The following EXOC4 variants were observed in gnomAD, a reference collection of about 807,000 sequenced individuals.
EXOC4 encodes the protein exocyst complex component 4.
EXOC4 carries 71 observed loss-of-function variants against 107.2 expected under a neutral mutation model. That is an observed-to-expected ratio of 0.66 (90% CI 0.55 to 0.81). EXOC4 has a LOEUF of 0.81. EXOC4 is among the 30% of genes least tolerant of loss of function. The pLI is 0.00. For synonymous variants in EXOC4, 456 were observed against 441.2 expected, an observed-to-expected ratio of 1.03 and a Z score of -0.42; for missense variants, 1,108 against 1,189.6, an observed-to-expected ratio of 0.93 and a Z score of 1.01.
intron 10 of EXOC4, among the ~76,000 whole-genome samples, chr7:133,686,508 ATGGACTTTC>A (rs1794301232): frequency 6.6e-6 from 1 of 152,162 alleles, no homozygotes; most frequent in Non-Finnish European, 1.5e-5. Context: ...TTCCTCAGGA[ATGGACTTTC>A]AGGCCTCCCA....
At chr7:133,432,435 A>G (rs1797876650) in intron 7 of EXOC4, among the ~76,000 whole-genome samples, 1 of 152,204 alleles carries the variant, frequency 6.6e-6, no homozygotes, top group Non-Finnish European at 1.5e-5. Context: ...TGATAGTGAA[A>G]TCTGAACCTG....
chr7:133,770,217 A>G (rs1378633695), intron 10 of EXOC4, among the ~76,000 whole-genome samples: 4 of 151,890 alleles, frequency 2.6e-5, no homozygotes, highest in African/African-American at 9.7e-5. Flanking sequence ...CTTTACCTGT[A>G]CAATAGTTCT....
rs184842417 is a variant in EXOC4 at position 133,484,027 on chromosome 7, C to A, written c.1417+3889C>A. 6.2e-6 allele frequency: 10 copies of A among 1,613,990 alleles called. No individual in the cohort carries two copies. In the African/African-American group the frequency reaches 1.3e-4, roughly 22 times the overall value. ...AATTTCGGTTCATACGTCAACTTTT[C>A]CTTCCGTTGCAGGGTAGCGGCGAAG... On this transcript the variant is annotated intron_variant, in intron 9 of 17. Coordinates refer to ENST00000253861, the MANE Select transcript of EXOC4 (RefSeq NM_021807.4).
chr7:133,257,112 T>G (rs1795035955), intron 1 of EXOC4, among the ~76,000 whole-genome samples: 1 of 152,204 alleles, frequency 6.6e-6, no homozygotes, highest in Admixed American at 6.5e-5. Context: ...AAGAGGCCCT[T>G]AGGCCTGTGA....
chr7:133,653,357 A>G (rs1803208608), intron 10 of EXOC4, among the ~76,000 whole-genome samples: 3 of 152,194 alleles, frequency 2.0e-5, no homozygotes, highest in Admixed American at 2.0e-4. Flanking sequence ...ATATCTACCT[A>G]TAACAGTTGA....
chr7:134,089,075 C>A, the EXOC4 span, among the ~76,000 whole-genome samples: 5 of 152,210 alleles, frequency 3.3e-5, no homozygotes, highest in South Asian at 1.0e-3. Flanking sequence ...AGATTATAAG[C>A]AGGTTTTTGC....
In EXOC4 at chr7:133,974,057, C is replaced by T. The variant is rs529545528; in HGVS notation, c.2207-23435C>T. 4.6e-5 allele frequency among the ~76,000 whole-genome samples: 7 copies of T among 152,334 alleles called. No individual in the cohort carries two copies. The South Asian group carries it at 1.2e-3, about 27-fold the overall frequency. Reference sequence around the variant, plus strand: ...AGGGTAGAACCCTCAGGCCTAGTCACCTCTTTAAGGTCCCACCTCTTAACA... The same window carrying T: ...AGGGTAGAACCCTCAGGCCTAGTCATCTCTTTAAGGTCCCACCTCTTAACA... On this transcript the variant is annotated intron_variant, in intron 14 of 17. Coordinates refer to ENST00000253861, the MANE Select transcript of EXOC4 (RefSeq NM_021807.4).
At chr7:133,352,468 T>C (rs1795933420) in intron 5 of EXOC4, among the ~76,000 whole-genome samples, 2 of 152,016 alleles carry the variant, frequency 1.3e-5, no homozygotes, top group Admixed American at 6.6e-5. Context: ...TTTTCTGCTC[T>C]TGTTTTGCTG....
intron 14 of EXOC4, among the ~76,000 whole-genome samples, chr7:133,959,008 C>A (rs1219563651): frequency 6.6e-6 from 1 of 152,132 alleles, no homozygotes; most frequent in African/African-American, 2.4e-5. Flanking sequence ...CTGATAAGCA[C>A]CAGGATGGTG....
At chr7:133,996,457 T>G (rs760246125) in intron 14 of EXOC4, among the ~76,000 whole-genome samples, 29 of 152,202 alleles carry the variant, frequency 1.9e-4, no homozygotes, top group Admixed American at 2.6e-4. Context: ...AGTTTAGAGA[T>G]AAACAGATGT....
chr7:134,014,139 C>T lies in EXOC4; in HGVS notation c.2687+6304C>T, dbSNP rs189628891. 4.4e-3 allele frequency among the ~76,000 whole-genome samples: 675 copies of T among 152,334 alleles called. 4 individuals are homozygous for T. The highest frequency in any genetic ancestry group is 8.4e-3 in the Admixed American group (128 of 15,298). On this transcript the variant is annotated intron_variant, in intron 17 of 17. Transcript: ENST00000253861. Reference sequence around the variant, plus strand: ...TATAAACAGGTTGGGCGCGGTGGCTCACGCCTGTAATCCCAGTACTTTGGG... The same window carrying T: ...TATAAACAGGTTGGGCGCGGTGGCTTACGCCTGTAATCCCAGTACTTTGGG...
intron 14 of EXOC4, among the ~76,000 whole-genome samples, chr7:133,978,477 A>C (rs561169008): frequency 2.0e-5 from 3 of 152,236 alleles, no homozygotes; most frequent in Non-Finnish European, 4.4e-5. Context: ...TAGTTCAAAA[A>C]TGTCTCAGGA....
At chr7:133,416,230 T>C (rs1797472425) in intron 7 of EXOC4, among the ~76,000 whole-genome samples, 1 of 152,146 alleles carries the variant, frequency 6.6e-6, no homozygotes, top group Admixed American at 6.6e-5. Context: ...AAATAGGGCT[T>C]GAAAGGAAAG....
chr7:133,592,078 T>G (rs1358995795), intron 9 of EXOC4, among the ~76,000 whole-genome samples: 1 of 152,208 alleles, frequency 6.6e-6, no homozygotes, highest in Non-Finnish European at 1.5e-5. Flanking sequence ...CTTGTTTTTT[T>G]GAGACAGAGT....
At chr7:134,057,863 A>G (rs1226957498) in intron 17 of EXOC4, among the ~76,000 whole-genome samples, 1 of 152,228 alleles carries the variant, frequency 6.6e-6, no homozygotes, top group East Asian at 1.9e-4. Flanking sequence ...GACATGAGAA[A>G]TAGATCCAGA....
At position 133,963,373 on chromosome 7, in the gene EXOC4, AGTACT is replaced by A. The variant is rs371933769; in HGVS notation, c.2206+25307_2206+25311del. Among the ~76,000 whole-genome samples the A allele has an allele frequency of 3.9e-5, 6 of 152,380 alleles. 1 individual carries two copies. The highest frequency in any genetic ancestry group is 1.4e-4 in the African/African-American group (6 of 41,598). On this transcript the variant is annotated intron_variant, in intron 14 of 17. Transcript: ENST00000253861. ...TTAGGGTACACATCAGCCTCGCATA[AGTACT>A]GTTGTAATACACTAGAAAATCTATT... is the stretch of plus-strand genomic sequence containing the variant.
At chr7:133,991,032 C>T (rs756569517) in intron 14 of EXOC4, among the ~76,000 whole-genome samples, 1 of 152,164 alleles carries the variant, frequency 6.6e-6, no homozygotes, top group Non-Finnish European at 1.5e-5. Context: ...TACTAATTTA[C>T]ATTCCCACCA....
At chr7:133,639,427 G>C (rs923370958) in intron 10 of EXOC4, among the ~76,000 whole-genome samples, 3 of 152,150 alleles carry the variant, frequency 2.0e-5, no homozygotes, top group Non-Finnish European at 4.4e-5. Context: ...GTGTCATACT[G>C]CCTGTGAAGT....
intron 5 of EXOC4, among the ~76,000 whole-genome samples, chr7:133,328,189 C>T (rs982860073): frequency 1.3e-5 from 2 of 151,768 alleles, no homozygotes; most frequent in Non-Finnish European, 2.9e-5. Flanking sequence ...TATGTACTGG[C>T]CTTGTCTCTT....
Sources: gnomAD v4.1 joint callset for allele counts (sites outside exome capture counted in the v4.1 genomes callset) on GRCh38, gnomAD v4.1.1 for gene constraint, MANE v1.5 for transcripts, NCBI Gene and HGNC (gene_info 2026-07-23, HGNC 2026-07-21) for gene names.